SYN3: variants seen among roughly 807,000 people sequenced by gnomAD.
SYN3 encodes the protein synapsin-3.
Under a neutral mutation model 65.8 loss-of-function variants are expected in SYN3, and 35 were observed. The ratio of observed to expected loss-of-function variants is 0.53; its 90% CI spans 0.41 to 0.70. SYN3 has a LOEUF of 0.70. SYN3 is among the 30% of genes least tolerant of loss of function. The probability of loss-of-function intolerance (pLI) is 0.00; values close to 1 mark genes in which losing one functional copy is unlikely to be tolerated. For synonymous variants in SYN3, 270 were observed against 292.9 expected (o/e 0.92, Z 0.80); for missense variants, 680 against 749.0 (o/e 0.91, Z 1.08).
intron 13 of SYN3, among the ~76,000 whole-genome samples, chr22:32,516,087 C>T (rs1010247679): frequency 4.9e-4 from 74 of 152,120 alleles, no homozygotes; most frequent in Admixed American, 2.3e-3. Flanking sequence ...CATGAGCCAT[C>T]GCATCCAGCC....
chr22:32,863,117 A>G (rs137487), intron 6 of SYN3: 88,712 of 152,450 alleles, frequency 0.58, 26,673 homozygotes, highest in African/African-American at 0.72. Flanking sequence ...TTGAAAGTCT[A>G]TCCCCAGCTC....
chr22:32,532,806 G>A (rs945242923), intron 10 of SYN3, among the ~76,000 whole-genome samples: 2 of 152,180 alleles, frequency 1.3e-5, no homozygotes, highest in African/African-American at 2.4e-5. Context: ...GGGAGGGGAC[G>A]GCCGCAGGGC....
intron 4 of SYN3, among the ~76,000 whole-genome samples, chr22:32,930,632 A>C (rs2050601288): frequency 6.6e-6 from 1 of 152,046 alleles, no homozygotes; most frequent in Non-Finnish European, 1.5e-5. Flanking sequence ...GCTCAGAACA[A>C]ATGTTACCTT....
At chr22:32,518,355 AG>A (rs750922413) in intron 12 of SYN3, 21 bp from the exon 13 acceptor site, 11 of 1,609,434 alleles carry the variant, frequency 6.8e-6, no homozygotes, top group African/African-American at 1.3e-5. Flanking sequence ...AGAAAAAAAA[AG>A]GTTCAGTTCA....
At chr22:32,694,685 G>C (rs1259832623) in intron 6 of SYN3, among the ~76,000 whole-genome samples, 2 of 152,168 alleles carry the variant, frequency 1.3e-5, no homozygotes, top group African/African-American at 2.4e-5. Context: ...GCCAACTGTA[G>C]GTGCTAAAGT....
In SYN3 at chr22:32,512,114, C is replaced by CTG. The variant is rs1158727554; in HGVS notation, c.*1577_*1578insCA. ...AGAGGGTCTCTGGCCCTGACGTCAC[C>CTG]ACTCCAGTTTGGTTTTGAAGGACCA... is the stretch of plus-strand genomic sequence containing the variant. On this transcript the variant is annotated 3_prime_UTR_variant, in exon 14 of 14. Transcript: ENST00000358763. Among the ~76,000 whole-genome samples the CTG allele has an allele frequency of 2.0e-5, 3 of 152,210 alleles. No homozygotes were observed. Among genetic ancestry groups the CTG allele is most frequent in the African/African-American group, 7.2e-5 (3 of 41,462 alleles).
intron 6 of SYN3, among the ~76,000 whole-genome samples, chr22:32,668,733 G>C (rs1169226823): frequency 2.0e-5 from 3 of 152,146 alleles, no homozygotes; most frequent in Non-Finnish European, 4.4e-5. Flanking sequence ...GTCTATCTGG[G>C]GATGAGGGCA....
intron 7 of SYN3, among the ~76,000 whole-genome samples, chr22:32,547,452 T>C (rs2058351700): frequency 6.6e-6 from 1 of 152,188 alleles, no homozygotes; most frequent in Non-Finnish European, 1.5e-5. Flanking sequence ...GCCATTCTTC[T>C]TCTCCTTCTC....
chr22:32,761,569 G>A (rs1422207214), intron 6 of SYN3, among the ~76,000 whole-genome samples: 1 of 152,180 alleles, frequency 6.6e-6, no homozygotes, highest in Non-Finnish European at 1.5e-5. Context: ...CCAGTTTTGA[G>A]CACCTCTTGA....
chr22:32,778,587 C>T (rs573152504), intron 6 of SYN3, among the ~76,000 whole-genome samples: 65 of 152,276 alleles, frequency 4.3e-4, no homozygotes, highest in South Asian at 2.9e-3. Flanking sequence ...CCACCGCACC[C>T]GGCCAAGACT....
At chr22:32,555,181 A>T (rs1248867630) in intron 7 of SYN3, among the ~76,000 whole-genome samples, 1 of 152,212 alleles carries the variant, frequency 6.6e-6, no homozygotes, top group East Asian at 1.9e-4. Flanking sequence ...GAGGTGCAAT[A>T]GCCCTGAGGT....
chr22:32,697,787 A>T (rs891363743), intron 6 of SYN3, among the ~76,000 whole-genome samples: 1 of 152,182 alleles, frequency 6.6e-6, no homozygotes, highest in Non-Finnish European at 1.5e-5. Flanking sequence ...CTAGTTCTTG[A>T]TTCCGAGTCT....
chr22:32,733,131 G>A (rs1003007469), intron 6 of SYN3, among the ~76,000 whole-genome samples: 5 of 152,190 alleles, frequency 3.3e-5, no homozygotes, highest in African/African-American at 1.2e-4. Context: ...AGTGTGGGGG[G>A]CAAAGGCAAT....
chr22:32,774,391 C>T (rs5754264), intron 6 of SYN3, among the ~76,000 whole-genome samples: 106,931 of 151,736 alleles, frequency 0.7, 38,207 homozygotes, highest in African/African-American at 0.82. Context: ...GAGGTTAAAA[C>T]TGGGAATGCC....
At chr22:32,883,657 G>A (rs2049206636) in intron 4 of SYN3, among the ~76,000 whole-genome samples, 2 of 152,254 alleles carry the variant, frequency 1.3e-5, no homozygotes, top group South Asian at 4.1e-4. Flanking sequence ...AGCCAAGGCT[G>A]AGAACTCCTG....
intron 7 of SYN3, among the ~76,000 whole-genome samples, chr22:32,568,634 A>G (rs1277466204): frequency 6.6e-6 from 1 of 152,176 alleles, no homozygotes; most frequent in African/African-American, 2.4e-5. Flanking sequence ...GGCCTATTTT[A>G]GAAAGACACT....
At chr22:32,932,535 G>A (rs1399793220) in intron 3 of SYN3, among the ~76,000 whole-genome samples, 1 of 152,218 alleles carries the variant, frequency 6.6e-6, no homozygotes, top group Non-Finnish European at 1.5e-5. Flanking sequence ...GAGACAGAGA[G>A]AGGGAGGAAT....
chr22:32,968,308 C>G (rs964113168), intron 3 of SYN3, among the ~76,000 whole-genome samples: 3 of 152,184 alleles, frequency 2.0e-5, no homozygotes, highest in African/African-American at 4.8e-5. Context: ...ACCCAAGCAT[C>G]ATATTCAAGG....
chr22:32,991,906 A>T (rs1378337846), intron 2 of SYN3, among the ~76,000 whole-genome samples: 1 of 152,172 alleles, frequency 6.6e-6, no homozygotes, highest in Non-Finnish European at 1.5e-5. Context: ...AGGCCTCCAC[A>T]GGCCCCAAGG....
Sources: allele counts gnomAD v4.1 joint callset (sites outside exome capture counted in the v4.1 genomes callset), GRCh38; gene constraint gnomAD v4.1.1; transcripts MANE v1.5; gene names NCBI Gene and HGNC (gene_info 2026-07-23, HGNC 2026-07-21).